TLK2: variants seen among roughly 807,000 people sequenced by gnomAD.
The protein encoded by TLK2 is serine/threonine-protein kinase tousled-like 2.
Under a neutral mutation model 117.3 loss-of-function variants are expected in TLK2, and 6 were observed. That is an observed-to-expected ratio of 0.05 (90% CI 0.03 to 0.10). TLK2 has a LOEUF of 0.10. TLK2 is among the 10% of genes least tolerant of loss of function. TLK2 has a pLI of 1.00. For missense variants in TLK2, 299 were observed against 901.2 expected (o/e 0.33, Z 8.56); for synonymous variants, 257 against 316.7 (o/e 0.81, Z 2.00).
chr17:62,576,681 T>C (rs1443909752), intron 12 of TLK2, 28 bp from the exon 13 acceptor site: 1 of 1,567,536 alleles, frequency 6.4e-7, no homozygotes, highest in East Asian at 2.2e-5. Context: ...TCTAGTAGTT[T>C]ACTGAAACTT....
At chr17:62,488,820 ATTT>A (rs36026309) in intron 2 of TLK2, among the ~76,000 whole-genome samples, 5 of 99,766 alleles carry the variant, frequency 5.0e-5, no homozygotes, top group Non-Finnish European at 3.9e-5. Flanking sequence ...GGCCTTGAAG[ATTT>A]TTTTTTTTTT....
chr17:62,605,759 C>A (rs766830783), intron 19 of TLK2, among the ~76,000 whole-genome samples: 7 of 151,492 alleles, frequency 4.6e-5, no homozygotes, highest in African/African-American at 1.7e-4. Flanking sequence ...AATCCCAGTA[C>A]TTTAGGAGGT....
At chr17:62,588,493 T>A (rs1364354826) in intron 16 of TLK2, among the ~76,000 whole-genome samples, 1 of 152,214 alleles carries the variant, frequency 6.6e-6, no homozygotes, top group Non-Finnish European at 1.5e-5. Flanking sequence ...AGTTCCAGGC[T>A]GGCATTGGTG....
At chr17:62,478,330 G>A (rs887932809), upstream of TLK2, among the ~76,000 whole-genome samples, 2 of 151,444 alleles carry the variant, frequency 1.3e-5, no homozygotes, top group African/African-American at 2.4e-5. Context: ...GGCTGGGCAG[G>A]GGTTGGGCGG....
intron 11 of TLK2, among the ~76,000 whole-genome samples, chr17:62,565,773 C>A (rs1050599388): frequency 2.0e-5 from 3 of 151,710 alleles, no homozygotes; most frequent in Non-Finnish European, 2.9e-5. Context: ...AATGAATTTT[C>A]ATTAAGAGTC....
upstream of TLK2, among the ~76,000 whole-genome samples, chr17:62,476,221 C>T (rs191147179): frequency 3.4e-3 from 511 of 151,766 alleles, no homozygotes; most frequent in Middle Eastern, 6.8e-3. Flanking sequence ...CTCAAGTGAT[C>T]CACCCGCCTT....
At chr17:62,534,768 G>A (rs2076992574) in intron 6 of TLK2, among the ~76,000 whole-genome samples, 1 of 149,148 alleles carries the variant, frequency 6.7e-6, no homozygotes, top group Admixed American at 6.7e-5. Flanking sequence ...TGTTACTTTT[G>A]TCTTGTTTTC....
chr17:62,585,324 G>A (rs1282408336), intron 15 of TLK2, among the ~76,000 whole-genome samples: 3 of 152,182 alleles, frequency 2.0e-5, no homozygotes, highest in African/African-American at 4.8e-5. Flanking sequence ...GGGGCGGATC[G>A]CCTGAGGTCA....
intron 21 of TLK2, among the ~76,000 whole-genome samples, chr17:62,610,942 C>G (rs1285494148): frequency 1.3e-5 from 2 of 152,154 alleles, no homozygotes; most frequent in African/African-American, 4.8e-5. Flanking sequence ...AAGTTTGACA[C>G]CATCTTGGGA....
chr17:62,525,610 G>A (rs576152847), intron 6 of TLK2, among the ~76,000 whole-genome samples: 7 of 152,056 alleles, frequency 4.6e-5, no homozygotes, highest in African/African-American at 4.8e-5. Flanking sequence ...CACTACGCCC[G>A]GCTAATTTTT....
intron 2 of TLK2, among the ~76,000 whole-genome samples, chr17:62,483,080 T>G (rs2071882077): frequency 6.6e-6 from 1 of 152,216 alleles, no homozygotes; most frequent in South Asian, 2.1e-4. Context: ...CAAATAGAAG[T>G]GAGCAATATA....
At chr17:62,473,812 C>T (rs1017787125) in intron 1 of TLK2, among the ~76,000 whole-genome samples, 4 of 152,220 alleles carry the variant, frequency 2.6e-5, no homozygotes, top group African/African-American at 9.7e-5. Context: ...TTGGTAGTTA[C>T]GACAGAGACA....
At chr17:62,573,478 C>A in intron 12 of TLK2, 111 bp downstream of exon 12, 3 of 1,405,232 alleles carry the variant, frequency 2.1e-6, no homozygotes, top group East Asian at 4.9e-5. Context: ...AGGTTTAAAC[C>A]TTCTTTTCAG....
intron 7 of TLK2, among the ~76,000 whole-genome samples, chr17:62,540,094 C>CT (rs2077405641): frequency 1.4e-5 from 2 of 144,092 alleles, no homozygotes; most frequent in Admixed American, 7.0e-5. Context: ...TTCTTTCTTT[C>CT]TTTTCTTTTT....
chr17:62,571,873 A>C (rs1024568171), intron 11 of TLK2, among the ~76,000 whole-genome samples: 3 of 152,096 alleles, frequency 2.0e-5, no homozygotes, highest in African/African-American at 7.2e-5. Flanking sequence ...GTAGGTTTTA[A>C]AAAATTAGAT....
intron 11 of TLK2, among the ~76,000 whole-genome samples, chr17:62,567,420 A>T (rs1008551791): frequency 3.9e-5 from 6 of 152,154 alleles, no homozygotes; most frequent in African/African-American, 1.4e-4. Context: ...TGAAATCCCT[A>T]AGTAGGACTC....
At chr17:62,557,376 T>C (rs1359945702) in intron 9 of TLK2, among the ~76,000 whole-genome samples, 2 of 152,220 alleles carry the variant, frequency 1.3e-5, no homozygotes, top group Non-Finnish European at 2.9e-5. Flanking sequence ...TATTCTAAAA[T>C]GTTCTTTTGA....
intron 12 of TLK2, among the ~76,000 whole-genome samples, 173 bp downstream of exon 12, chr17:62,573,540 ATT>A (rs755745010): frequency 1.3e-5 from 2 of 152,166 alleles, no homozygotes; most frequent in Non-Finnish European, 2.9e-5. Context: ...AAATTAATTG[ATT>A]TTCTTAAACC....
intron 7 of TLK2, chr17:62,549,627 A>T (rs1471106907): frequency 6.6e-6 from 1 of 151,644 alleles, no homozygotes; most frequent in Non-Finnish European, 1.5e-5. Flanking sequence ...GTTATTTGGA[A>T]TTATATAGAC....
Sources: allele counts gnomAD v4.1 joint callset (sites outside exome capture counted in the v4.1 genomes callset), GRCh38; gene constraint gnomAD v4.1.1; transcripts MANE v1.5; gene names NCBI Gene and HGNC (gene_info 2026-07-23, HGNC 2026-07-21).